Variants in GRID2 observed in about 807,000 individuals in gnomAD.
GRID2 encodes glutamate receptor ionotropic, delta-2.
In GRID2, 33 loss-of-function variants were observed where a neutral mutation model predicts 114.8. The ratio of observed to expected loss-of-function variants is 0.29; its 90% confidence interval spans 0.22 to 0.38. GRID2 has a LOEUF of 0.38. GRID2 is among the 10% of genes least tolerant of loss of function. The pLI, the probability that GRID2 is intolerant of heterozygous loss-of-function variation, is 1.00. For missense variants in GRID2, 1,184 were observed against 1,257.7 expected, an observed-to-expected ratio of 0.94 and a Z score of 0.89; for synonymous variants, 505 against 449.9, an observed-to-expected ratio of 1.12 and a Z score of -1.55.
intron 14 of GRID2, among the ~76,000 whole-genome samples, chr4:93,753,171 G>T (rs1323640479): frequency 6.6e-6 from 1 of 152,148 alleles, no homozygotes; most frequent in Non-Finnish European, 1.5e-5. Context: ...CTAAAAGAAA[G>T]TGGAATCCAA....
At chr4:92,596,070 A>G (rs1161402925) in intron 2 of GRID2, among the ~76,000 whole-genome samples, 2 of 152,138 alleles carry the variant, frequency 1.3e-5, no homozygotes, top group African/African-American at 4.8e-5. Flanking sequence ...ATACTACAGT[A>G]TGTGTACCCC....
chr4:92,444,695 T>G (rs1434633481), intron 1 of GRID2, among the ~76,000 whole-genome samples: 1 of 152,170 alleles, frequency 6.6e-6, no homozygotes, highest in African/African-American at 2.4e-5. Flanking sequence ...GGCGTTTGTC[T>G]TCTCTTTTTA....
chr4:93,285,328 A>C (rs1753039601), intron 8 of GRID2, among the ~76,000 whole-genome samples: 1 of 152,076 alleles, frequency 6.6e-6, no homozygotes, highest in South Asian at 2.1e-4. Flanking sequence ...CTGCTTTTGC[A>C]AACTATGTAT....
intron 14 of GRID2, among the ~76,000 whole-genome samples, chr4:93,678,272 G>C (rs994830490): frequency 1.8e-4 from 27 of 152,230 alleles, no homozygotes; most frequent in Non-Finnish European, 2.5e-4. Context: ...AAATATGGGA[G>C]TATGTGAAAA....
chr4:93,337,088 T>C (rs1759167371), intron 8 of GRID2, among the ~76,000 whole-genome samples: 1 of 152,182 alleles, frequency 6.6e-6, no homozygotes, highest in African/African-American at 2.4e-5. Flanking sequence ...TAAGCCACAA[T>C]TCTTGTAATT....
intron 2 of GRID2, among the ~76,000 whole-genome samples, chr4:92,907,789 C>T (rs184170569): frequency 2.6e-4 from 39 of 152,116 alleles, no homozygotes; most frequent in Middle Eastern, 3.4e-3. Flanking sequence ...TTTGGGAGGC[C>T]GACATGGGCA....
intron 6 of GRID2, among the ~76,000 whole-genome samples, chr4:93,222,850 A>G (rs577036186): frequency 1.3e-5 from 2 of 152,142 alleles, no homozygotes; most frequent in South Asian, 4.2e-4. Flanking sequence ...CACATTTTCT[A>G]AAGACACATG....
chr4:92,793,826 C>T (rs1316112027), intron 2 of GRID2, among the ~76,000 whole-genome samples: 1 of 151,790 alleles, frequency 6.6e-6, no homozygotes, highest in Non-Finnish European at 1.5e-5. Context: ...AACCCATTAG[C>T]TCAAGTCTTC....
In GRID2 at chr4:93,088,228, T is replaced by C. The variant is rs564034893; in HGVS notation, c.529+2949T>C. The stretch of plus-strand genomic sequence containing the variant: ...ATATCTTTGCTTCTAAGTCAACAGA[T>C]GAAAAGATGAAAAAAATGTGGAAAC... On this transcript the variant is annotated intron_variant, in intron 3 of 15. Transcript: ENST00000282020. Among the ~76,000 whole-genome samples, 13 of 152,192 alleles carry C rather than the reference T, an allele frequency of 8.5e-5. No homozygotes were observed. The South Asian group carries it at 2.3e-3, about 27-fold the overall frequency.
intron 14 of GRID2, among the ~76,000 whole-genome samples, chr4:93,666,761 A>G (rs1214828141): frequency 6.6e-6 from 1 of 152,108 alleles, no homozygotes; most frequent in Non-Finnish European, 1.5e-5. Flanking sequence ...AATAAGACTA[A>G]GTAGCTTCTC....
chr4:92,395,154 A>C (rs1730430708), intron 1 of GRID2, among the ~76,000 whole-genome samples: 1 of 151,630 alleles, frequency 6.6e-6, no homozygotes, highest in Non-Finnish European at 1.5e-5. Context: ...ATTATTCAAA[A>C]ATTAGCTTAA....
At chr4:92,472,398 C>G (rs1479010081) in intron 1 of GRID2, among the ~76,000 whole-genome samples, 1 of 152,068 alleles carries the variant, frequency 6.6e-6, no homozygotes, top group African/African-American at 2.4e-5. Flanking sequence ...AACATTTACA[C>G]TTAAGTCTGT....
At chr4:93,602,390 A>G (rs2149642852) in intron 13 of GRID2, among the ~76,000 whole-genome samples, 1 of 152,304 alleles carries the variant, frequency 6.6e-6, no homozygotes, top group East Asian at 1.9e-4. Flanking sequence ...CTCCACAGAG[A>G]TTGTGTGTTC....
chr4:92,813,439 G>A (rs758097096), intron 2 of GRID2, among the ~76,000 whole-genome samples: 3 of 152,122 alleles, frequency 2.0e-5, no homozygotes, highest in East Asian at 1.9e-4. Context: ...CCCTAACTCC[G>A]TATGCTGTGG....
intron 1 of GRID2, among the ~76,000 whole-genome samples, chr4:92,526,200 G>T (rs2149144686): frequency 7.0e-6 from 1 of 143,210 alleles, no homozygotes; most frequent in South Asian, 2.4e-4. Context: ...TAAAAAGAGA[G>T]AAATAGAAGA....
At chr4:93,591,464 T>C (rs1420228226) in intron 13 of GRID2, among the ~76,000 whole-genome samples, 1 of 152,158 alleles carries the variant, frequency 6.6e-6, no homozygotes, top group African/African-American at 2.4e-5. Context: ...TTGCCAGTAT[T>C]TTATTGAGGA....
intron 8 of GRID2, among the ~76,000 whole-genome samples, chr4:93,286,923 A>G (rs1457444563): frequency 6.6e-6 from 1 of 152,152 alleles, no homozygotes; most frequent in African/African-American, 2.4e-5. Context: ...TTAGAATAAT[A>G]TTATACAATC....
intron 2 of GRID2, among the ~76,000 whole-genome samples, chr4:92,845,607 T>G (rs1476966708): frequency 6.6e-6 from 1 of 152,082 alleles, no homozygotes. Context: ...TCAATCTCCT[T>G]TACCTCCTTT....
intron 2 of GRID2, among the ~76,000 whole-genome samples, chr4:92,729,471 G>C (rs576660083): frequency 6.6e-6 from 1 of 152,084 alleles, no homozygotes; most frequent in East Asian, 1.9e-4. Context: ...AATACTGCTT[G>C]AGTGGCTCAA....
Sources: gnomAD v4.1 joint callset for allele counts (sites outside exome capture counted in the v4.1 genomes callset) on GRCh38, gnomAD v4.1.1 for gene constraint, MANE v1.5 for transcripts, NCBI Gene and HGNC (gene_info 2026-07-23, HGNC 2026-07-21) for gene names.